The following ATOSA variants were observed in gnomAD, a reference collection of about 807,000 sequenced individuals.
The protein encoded by ATOSA is atos homolog protein A.
the ATOSA span, among the ~76,000 whole-genome samples, chr15:52,700,865 C>T: frequency 6.6e-6 from 1 of 152,092 alleles, no homozygotes; most frequent in Admixed American, 6.5e-5. Context: ...GAAAGATATC[C>T]CTTGTTCTTG....
the ATOSA span, among the ~76,000 whole-genome samples, chr15:52,643,654 G>A: frequency 0.01 from 1,543 of 150,610 alleles, 26 homozygotes; most frequent in African/African-American, 0.037. Flanking sequence ...AGTGGCTCAC[G>A]CCTGTAATCC....
At chr15:52,678,647 C>T in the ATOSA span, 1 of 154,048 alleles carries the variant, frequency 6.5e-6, no homozygotes, top group Non-Finnish European at 1.4e-5. Context: ...GTCACCTCCT[C>T]CCGCCCAGCC....
the ATOSA span, chr15:52,605,117 GA>G: frequency 1.3e-5 from 20 of 1,558,070 alleles, no homozygotes; most frequent in East Asian, 4.6e-5. Flanking sequence ...CATGAGATAA[GA>G]AAAAAAATGC....
At chr15:52,658,571 A>C in the ATOSA span, 1 of 305,154 alleles carries the variant, frequency 3.3e-6, no homozygotes, top group Non-Finnish European at 5.9e-6. Flanking sequence ...CTTAATGGGA[A>C]TAAATTTTCA....
the ATOSA span, among the ~76,000 whole-genome samples, chr15:52,626,277 C>T: frequency 6.6e-6 from 1 of 152,054 alleles, no homozygotes; most frequent in Non-Finnish European, 1.5e-5. Context: ...CTTTTTAAAG[C>T]TCTCAATTTA....
At chr15:52,591,163 T>C in the ATOSA span, among the ~76,000 whole-genome samples, 1 of 152,202 alleles carries the variant, frequency 6.6e-6, no homozygotes, top group Non-Finnish European at 1.5e-5. Flanking sequence ...AGTTTACTCT[T>C]TTATCTTGTT....
the ATOSA span, among the ~76,000 whole-genome samples, chr15:52,655,169 T>C: frequency 6.6e-6 from 1 of 152,174 alleles, no homozygotes; most frequent in African/African-American, 2.4e-5. Context: ...ATCCTTTCCC[T>C]AACAATTTCT....
At chr15:52,647,087 G>A in the ATOSA span, among the ~76,000 whole-genome samples, 1 of 152,166 alleles carries the variant, frequency 6.6e-6, no homozygotes, top group Admixed American at 6.5e-5. Context: ...TGGGCCCAAT[G>A]CAGAAGCTAA....
At chr15:52,613,755 C>T in the ATOSA span, 3 of 1,613,812 alleles carry the variant, frequency 1.9e-6, no homozygotes, top group Non-Finnish European at 1.7e-6. Flanking sequence ...GCTTTCTGTT[C>T]GACCTTTTAC....
the ATOSA span, among the ~76,000 whole-genome samples, chr15:52,668,809 T>A: frequency 1.1e-4 from 15 of 141,096 alleles, no homozygotes; most frequent in African/African-American, 3.7e-4. Flanking sequence ...CACCTACTTA[T>A]ATGGAGATAA....
chr15:52,692,619 G>A, the ATOSA span, among the ~76,000 whole-genome samples: 2 of 151,976 alleles, frequency 1.3e-5, no homozygotes, highest in African/African-American at 2.4e-5. Context: ...CTCCCAAAGT[G>A]CTGGGATTAC....
chr15:52,655,545 C>T, the ATOSA span, among the ~76,000 whole-genome samples: 5 of 152,248 alleles, frequency 3.3e-5, no homozygotes, highest in Admixed American at 3.3e-4. Context: ...AATCCTAGCT[C>T]TGATCAGCTT....
the ATOSA span, among the ~76,000 whole-genome samples, chr15:52,601,529 G>GA: frequency 8.3e-3 from 939 of 112,820 alleles, 2 homozygotes; most frequent in African/African-American, 0.018. Context: ...ACTTAAAAAG[G>GA]AAAAAAAAAA....
chr15:52,707,126 G>A, the ATOSA span, among the ~76,000 whole-genome samples: 5 of 152,156 alleles, frequency 3.3e-5, no homozygotes, highest in African/African-American at 7.2e-5. Context: ...TAGAGGCAGC[G>A]GTGATATAAT....
At chr15:52,621,108 T>C in the ATOSA span, among the ~76,000 whole-genome samples, 3 of 152,186 alleles carry the variant, frequency 2.0e-5, no homozygotes, top group Admixed American at 6.5e-5. Context: ...CTTAAAAAAA[T>C]TGGCATCAAC....
chr15:52,706,767 G>A, the ATOSA span, among the ~76,000 whole-genome samples: 1 of 152,298 alleles, frequency 6.6e-6, no homozygotes, highest in Non-Finnish European at 1.5e-5. Flanking sequence ...CAAAATGGAT[G>A]AAATCGAAAA....
At chr15:52,609,599 C>T in the ATOSA span, 1 of 1,612,942 alleles carries the variant, frequency 6.2e-7, no homozygotes, top group South Asian at 1.1e-5. Flanking sequence ...TCATTGGTGT[C>T]TTCTGGGGAA....
the ATOSA span, chr15:52,590,600 G>C: frequency 6.6e-6 from 1 of 152,172 alleles, no homozygotes; most frequent in East Asian, 1.9e-4. Context: ...AGAGTAACAA[G>C]TGTTTTATGT....
chr15:52,697,957 A>ATTTTTTTTTTTTTTTTTTTTTTTTT, the ATOSA span, among the ~76,000 whole-genome samples: 10 of 44,778 alleles, frequency 2.2e-4, 2 homozygotes, highest in Admixed American at 7.9e-4. Flanking sequence ...GGGATGTAGA[A>ATTTTTTTTTTTTTTTTTTTTTTTTT]TTTTTTTTTT....
Sources: gnomAD v4.1 joint callset for allele counts (sites outside exome capture counted in the v4.1 genomes callset) on GRCh38, gnomAD v4.1.1 for gene constraint, MANE v1.5 for transcripts, NCBI Gene and HGNC (gene_info 2026-07-23, HGNC 2026-07-21) for gene names.